LRP1B: variants seen among roughly 807,000 people sequenced by gnomAD.
LRP1B encodes the protein low-density lipoprotein receptor-related protein 1B.
Under a neutral mutation model 556.6 loss-of-function variants are expected in LRP1B, and 217 were observed. The observed-to-expected ratio is 0.39, with a 90% confidence interval of 0.35 to 0.44. The LOEUF (loss-of-function observed/expected upper bound fraction) is 0.44, where lower values mean the gene tolerates loss of function less well. LRP1B is among the 20% of genes least tolerant of loss of function. The pLI, the probability that LRP1B is intolerant of heterozygous loss-of-function variation, is 1.00. For synonymous variants in LRP1B, 2,047 were observed against 1,865.8 expected (o/e 1.10, Z -2.50); for missense variants, 5,053 against 5,620.8 (o/e 0.90, Z 3.23).
In LRP1B at chr2:141,447,455, G is replaced by C. The variant is rs185696469; in HGVS notation, c.343+32941C>G. On this transcript the variant is annotated intron_variant, in intron 3 of 90. Coordinates refer to ENST00000389484, the MANE Select transcript of LRP1B (RefSeq NM_018557.3). ...ATTCTCCATCTAGTTTTGTGCCCTT[G>C]CTGGTGAGGAGTTGTGATCCTTTGG... Among the ~76,000 whole-genome samples the C allele has an allele frequency of 1.7e-3, 253 of 152,050 alleles. 1 individual carries two copies. Among genetic ancestry groups the C allele is most frequent in the African/African-American group, 5.9e-3 (244 of 41,496 alleles).
chr2:141,848,552 C>T (rs890044749), intron 1 of LRP1B, among the ~76,000 whole-genome samples: 12 of 151,468 alleles, frequency 7.9e-5, no homozygotes, highest in African/African-American at 2.9e-4. Context: ...GCAGCCAAAA[C>T]TATACATCTT....
intron 1 of LRP1B, among the ~76,000 whole-genome samples, chr2:142,006,375 G>T (rs911483438): frequency 1.3e-5 from 2 of 152,130 alleles, no homozygotes; most frequent in Non-Finnish European, 2.9e-5. Flanking sequence ...CATACTTCTG[G>T]CAAGCTTGCT....
chr2:141,538,451 C>T (rs1469839780), intron 2 of LRP1B, among the ~76,000 whole-genome samples: 1 of 151,886 alleles, frequency 6.6e-6, no homozygotes, highest in Non-Finnish European at 1.5e-5. Flanking sequence ...TTAATTCTAC[C>T]AAATCATCAC....
At chr2:140,696,302 A>G (rs568982567) in intron 41 of LRP1B, among the ~76,000 whole-genome samples, 1 of 152,192 alleles carries the variant, frequency 6.6e-6, no homozygotes, top group African/African-American at 2.4e-5. Flanking sequence ...ACATTCACCT[A>G]AAAAGCTTTC....
chr2:141,980,374 TAA>T (rs1310849839), intron 1 of LRP1B, among the ~76,000 whole-genome samples: 2 of 152,148 alleles, frequency 1.3e-5, no homozygotes, highest in Non-Finnish European at 2.9e-5. Flanking sequence ...TACGTGGGTT[TAA>T]GTTATTATTG....
intron 3 of LRP1B, among the ~76,000 whole-genome samples, chr2:141,408,951 T>C (rs1469655841): frequency 6.6e-6 from 1 of 152,220 alleles, no homozygotes. Flanking sequence ...GCAATATAAA[T>C]GAAGCTGGAT....
chr2:140,280,486 CTATAAA>C (rs775601069), intron 84 of LRP1B, among the ~76,000 whole-genome samples: 25 of 151,654 alleles, frequency 1.6e-4, no homozygotes, highest in Non-Finnish European at 3.2e-4. Flanking sequence ...TGTAATTTGG[CTATAAA>C]TATAAAATGG....
At chr2:141,762,930 C>T (rs960309041) in intron 2 of LRP1B, among the ~76,000 whole-genome samples, 2 of 152,220 alleles carry the variant, frequency 1.3e-5, no homozygotes, top group African/African-American at 4.8e-5. Flanking sequence ...AACTGCTATG[C>T]ATAGCTTGGG....
chr2:140,484,751 T>G (rs1688397012), intron 59 of LRP1B, among the ~76,000 whole-genome samples: 1 of 152,180 alleles, frequency 6.6e-6, no homozygotes, highest in South Asian at 2.1e-4. Flanking sequence ...TGTTCATCCC[T>G]CATTTGAAAT....
intron 3 of LRP1B, among the ~76,000 whole-genome samples, chr2:141,285,859 G>A (rs868551862): frequency 2.0e-5 from 3 of 148,596 alleles, no homozygotes; most frequent in African/African-American, 4.9e-5. Flanking sequence ...GAGGTCAGGA[G>A]ATCGAGACCA....
intron 1 of LRP1B, among the ~76,000 whole-genome samples, chr2:142,028,566 T>C (rs1703583161): frequency 6.6e-6 from 1 of 152,020 alleles, no homozygotes; most frequent in African/African-American, 2.4e-5. Context: ...CATTTATCTG[T>C]TGATCAGTTG....
At chr2:142,067,343 T>TA (rs375398354) in intron 1 of LRP1B, among the ~76,000 whole-genome samples, 95 of 150,542 alleles carry the variant, frequency 6.3e-4, no homozygotes, top group African/African-American at 1.7e-3. Context: ...CATAGACAGA[T>TA]AAAAAAAAAG....
Position 140,983,854 on chromosome 2 carries a change from T to G in LRP1B, c.2771-1578A>C, listed in dbSNP as rs575354094. On this transcript the variant is annotated intron_variant, in intron 17 of 90. Coordinates refer to ENST00000389484, the MANE Select transcript of LRP1B (RefSeq NM_018557.3). ...CATTTTACAAATTCATCATTTATTTTAAATTAACAGATTTTAAATATTCCA... is the reference window on the plus strand; with the variant it reads ...CATTTTACAAATTCATCATTTATTTGAAATTAACAGATTTTAAATATTCCA... 7.9e-5 allele frequency among the ~76,000 whole-genome samples: 12 copies of G among 152,142 alleles called. No individual in the cohort carries two copies. In the South Asian group the frequency reaches 2.5e-3, roughly 32 times the overall value.
chr2:140,548,204 C>T (rs982306692), intron 43 of LRP1B, among the ~76,000 whole-genome samples: 1 of 152,080 alleles, frequency 6.6e-6, no homozygotes, highest in African/African-American at 2.4e-5. Context: ...AGAGATTTTG[C>T]AACTTGCCAA....
chr2:141,355,554 G>A (rs1688597088), intron 3 of LRP1B, among the ~76,000 whole-genome samples: 1 of 152,078 alleles, frequency 6.6e-6, no homozygotes, highest in Non-Finnish European at 1.5e-5. Flanking sequence ...ATTAAGAACT[G>A]TCAAATTTAT....
chr2:140,234,206 G>C (rs924312733), intron 90 of LRP1B, among the ~76,000 whole-genome samples: 6 of 151,178 alleles, frequency 4.0e-5, no homozygotes, highest in African/African-American at 1.2e-4. Context: ...AGACGATAAG[G>C]GAGAGAATTC....
chr2:140,406,895 C>T (rs149457421), intron 66 of LRP1B, among the ~76,000 whole-genome samples: 101 of 151,980 alleles, frequency 6.6e-4, no homozygotes, highest in African/African-American at 2.2e-3. Flanking sequence ...AGCAATACTA[C>T]GTAAAAAGAA....
chr2:141,743,304 C>G (rs913859201), intron 2 of LRP1B, among the ~76,000 whole-genome samples: 3 of 151,974 alleles, frequency 2.0e-5, no homozygotes, highest in Non-Finnish European at 4.4e-5. Flanking sequence ...GATGAATTAT[C>G]TTTGTAATGT....
intron 35 of LRP1B, among the ~76,000 whole-genome samples, chr2:140,725,814 T>C (rs1687574737): frequency 6.6e-6 from 1 of 152,082 alleles, no homozygotes; most frequent in Non-Finnish European, 1.5e-5. Flanking sequence ...GACTCCTCCC[T>C]CTTCTTCTTC....
Sources: gnomAD v4.1 joint callset for allele counts (sites outside exome capture counted in the v4.1 genomes callset) on GRCh38, gnomAD v4.1.1 for gene constraint, MANE v1.5 for transcripts, NCBI Gene and HGNC (gene_info 2026-07-23, HGNC 2026-07-21) for gene names.